The following PHF24 variants were observed in gnomAD, a reference collection of about 807,000 sequenced individuals.
The protein encoded by PHF24 is PHD finger protein 24, also known as Galpha inhibitory interacting protein.
PHF24 carries 25 observed loss-of-function variants against 42.6 expected under a neutral mutation model. The observed-to-expected ratio is 0.59, with a 90% CI of 0.43 to 0.82. The LOEUF (loss-of-function observed/expected upper bound fraction) is 0.82, where lower values mean the gene tolerates loss of function less well. PHF24 is among the 40% of genes least tolerant of loss of function. The probability of loss-of-function intolerance (pLI) is 0.00; values close to 1 mark genes in which losing one functional copy is unlikely to be tolerated. For synonymous variants in PHF24, 185 were observed against 204.8 expected (o/e 0.90, Z 0.83); for missense variants, 470 against 538.1 (o/e 0.87, Z 1.25).
the PHF24 span, among the ~76,000 whole-genome samples, chr9:34,698,554 A>G: frequency 6.6e-6 from 1 of 152,054 alleles, no homozygotes; most frequent in African/African-American, 2.4e-5. Flanking sequence ...CTGGAGTGCA[A>G]TCGCGCGATC....
the PHF24 span, among the ~76,000 whole-genome samples, chr9:34,932,987 T>C: frequency 2.5e-5 from 1 of 40,034 alleles, no homozygotes; most frequent in Admixed American, 2.8e-4. Flanking sequence ...AGGAACTCTT[T>C]TTTTTTTTTT....
the PHF24 span, among the ~76,000 whole-genome samples, chr9:34,769,808 A>G: frequency 6.6e-6 from 1 of 152,208 alleles, no homozygotes; most frequent in Non-Finnish European, 1.5e-5. Flanking sequence ...AGTAGAATAA[A>G]CATATATCTT....
chr9:34,977,391 G>A, intron 6 of PHF24, 148 bp downstream of exon 6: 2 of 1,214,366 alleles, frequency 1.6e-6, no homozygotes, highest in Admixed American at 2.1e-5. Context: ...ATGCCTACGG[G>A]CCAGGGCATA....
At chr9:34,797,747 G>T in the PHF24 span, among the ~76,000 whole-genome samples, 1 of 151,932 alleles carries the variant, frequency 6.6e-6, no homozygotes, top group Non-Finnish European at 1.5e-5. Context: ...GGCACAGGAT[G>T]GGGGCGCGGC....
At chr9:34,683,585 C>G in the PHF24 span, among the ~76,000 whole-genome samples, 826 of 152,304 alleles carry the variant, frequency 5.4e-3, 15 homozygotes, top group East Asian at 0.035. Flanking sequence ...TTCTACATTC[C>G]CTGCAAATAG....
the PHF24 span, among the ~76,000 whole-genome samples, chr9:34,728,314 C>G: frequency 1.3e-5 from 2 of 152,296 alleles, no homozygotes; most frequent in Middle Eastern, 3.4e-3. Flanking sequence ...GTGTTTTGCT[C>G]ATTTTGTGGA....
At chr9:34,686,702 C>A in the PHF24 span, among the ~76,000 whole-genome samples, 2 of 152,100 alleles carry the variant, frequency 1.3e-5, no homozygotes, top group Non-Finnish European at 2.9e-5. Context: ...CAGCTGCAGG[C>A]CTTGAACCTG....
At chr9:34,811,572 A>G in the PHF24 span, among the ~76,000 whole-genome samples, 2 of 152,212 alleles carry the variant, frequency 1.3e-5, no homozygotes, top group Admixed American at 1.3e-4. Flanking sequence ...CCCAGCCTCC[A>G]GAGATGTAAG....
chr9:34,859,115 C>T, the PHF24 span, among the ~76,000 whole-genome samples: 3 of 152,266 alleles, frequency 2.0e-5, no homozygotes, highest in Admixed American at 6.5e-5. Context: ...TTTTTAATGT[C>T]TTGATCTCTC....
chr9:34,971,201 C>A, intron 1 of PHF24, 94 bp from the exon 2 acceptor site: 1 of 1,384,566 alleles, frequency 7.2e-7, no homozygotes, highest in Non-Finnish European at 9.8e-7. Context: ...GAGGGAGAAA[C>A]TGTTTAATAG....
At chr9:34,697,650 G>T in the PHF24 span, among the ~76,000 whole-genome samples, 1 of 152,216 alleles carries the variant, frequency 6.6e-6, no homozygotes, top group African/African-American at 2.4e-5. Flanking sequence ...AAATGATGCT[G>T]ATGCTGTGGT....
chr9:34,886,770 G>A, the PHF24 span, among the ~76,000 whole-genome samples: 1 of 150,552 alleles, frequency 6.6e-6, no homozygotes, highest in African/African-American at 2.5e-5. Context: ...CTGTCTGTCT[G>A]TCTGTCTGTC....
At position 34,958,603 on chromosome 9, in the gene PHF24, T is replaced by G. The variant is rs1826477212; in HGVS notation, c.-5+202T>G. Among the ~76,000 whole-genome samples, 1 of 152,004 alleles carries G rather than the reference T, an allele frequency of 6.6e-6. No homozygotes were observed. The highest frequency in any genetic ancestry group is 2.4e-5 in the African/African-American group (1 of 41,378). On this transcript the variant is annotated intron_variant, in intron 1 of 7. Transcript: ENST00000242315. The surrounding 1 kb of genome is among the most constrained non-coding windows in gnomAD (Gnocchi z 4.5). Reference sequence around the variant, plus strand: ...GAGGTGCTGTGGGGAGCCGCCCCCATAAAGACCCCCTGTGGGAATGGACTC... The same window carrying G: ...GAGGTGCTGTGGGGAGCCGCCCCCAGAAAGACCCCCTGTGGGAATGGACTC...
At chr9:34,722,049 G>A in the PHF24 span, among the ~76,000 whole-genome samples, 5 of 152,132 alleles carry the variant, frequency 3.3e-5, no homozygotes, top group Admixed American at 3.3e-4. Context: ...TAGTTGTTTG[G>A]TGTGTTATCC....
chr9:34,807,991 GTAGA>G, the PHF24 span, among the ~76,000 whole-genome samples: 45 of 152,228 alleles, frequency 3.0e-4, no homozygotes, highest in South Asian at 8.9e-3. Flanking sequence ...GGATTTTGCA[GTAGA>G]TATTTTAATC....
At chr9:34,765,879 CT>C in the PHF24 span, among the ~76,000 whole-genome samples, 4 of 151,762 alleles carry the variant, frequency 2.6e-5, no homozygotes, top group African/African-American at 9.7e-5. Flanking sequence ...TTCAGGAGCT[CT>C]TTTAGGGCAT....
At chr9:34,962,265 A>C (rs1826614293) in intron 1 of PHF24, among the ~76,000 whole-genome samples, 1 of 152,064 alleles carries the variant, frequency 6.6e-6, no homozygotes, top group African/African-American at 2.4e-5. Flanking sequence ...ATTTCTATCT[A>C]GCCCCCAGGC....
At chr9:34,787,380 T>G in the PHF24 span, among the ~76,000 whole-genome samples, 1 of 151,544 alleles carries the variant, frequency 6.6e-6, no homozygotes, top group Non-Finnish European at 1.5e-5. Context: ...GAGAACTAGA[T>G]TGGGAAACTG....
the PHF24 span, among the ~76,000 whole-genome samples, chr9:34,942,783 A>G: frequency 2.7e-4 from 41 of 152,180 alleles, 1 homozygote; most frequent in East Asian, 7.9e-3. Context: ...TCTCACTCAT[A>G]GGTGGGAATT....
Sources: allele counts gnomAD v4.1 joint callset (sites outside exome capture counted in the v4.1 genomes callset), GRCh38; gene constraint gnomAD v4.1.1; non-coding constraint Gnocchi (gnomAD v3.1); transcripts MANE v1.5; gene names NCBI Gene and HGNC (gene_info 2026-07-23, HGNC 2026-07-21).